Variants in ZSWIM4 observed in about 807,000 individuals in gnomAD.
ZSWIM4 encodes zinc finger SWIM-type containing 4, also known as zinc finger SWIM domain-containing protein 4.
Under a neutral mutation model 102.5 loss-of-function variants are expected in ZSWIM4, and 62 were observed. The observed-to-expected ratio is 0.60, with a 90% CI of 0.49 to 0.75. The LOEUF (loss-of-function observed/expected upper bound fraction) is 0.75. Among genes scored for constraint, ZSWIM4 ranks in the 30% least tolerant of loss-of-function variants. The pLI is 0.00. For missense variants in ZSWIM4, 1,280 were observed against 1,529.6 expected (o/e 0.84, Z 2.72); for synonymous variants, 652 against 674.5 (o/e 0.97, Z 0.52).
At chr19:13,813,266 G>T (rs1975160121) in intron 6 of ZSWIM4, 102 bp downstream of exon 6, 4 of 1,027,908 alleles carry the variant, frequency 3.9e-6, no homozygotes, top group Non-Finnish European at 5.6e-6. Flanking sequence ...GAGGGAGTGG[G>T]GCAGAGCAAA....
intron 8 of ZSWIM4, 132 bp from the exon 9 acceptor site, chr19:13,817,590 G>C: frequency 4.1e-6 from 5 of 1,214,960 alleles, no homozygotes; most frequent in Non-Finnish European, 5.6e-6. Context: ...CCCCAACCCC[G>C]TGAGTGCTGG....
Position 13,795,656 on chromosome 19 carries a change from C to T in ZSWIM4, c.8C>T (p.Pro3Leu), listed in dbSNP as rs1006213778. The change falls in exon 1 of 14, where the codon CCC (proline) becomes CTC (leucine). Residue 3 changes from proline to leucine, a missense_variant. Transcript: ENST00000590508. ...TGGCCCCGGCCGGGCCGGATGGAAC[C>T]CCCCGCGGCCAAGCGGAGCCGGGGC... The part of the protein sequence containing the change: ME[P>L]PAAKRSRGCP... 21 of 768,756 alleles carry T rather than the reference C, an allele frequency of 2.7e-5. No homozygotes were observed. The highest frequency in any genetic ancestry group is 2.6e-4 in the East Asian group (6 of 22,752). 47.6% of individuals were successfully genotyped at this position (768,756 alleles called of 1,614,324 possible).
intron 1 of ZSWIM4, chr19:13,796,521 T>G (rs535404241): frequency 1.7e-4 from 26 of 152,614 alleles, no homozygotes; most frequent in African/African-American, 6.3e-4. Context: ...GATTCCTCTT[T>G]CGGGGCTGCC....
chr19:13,798,831 C>G (rs895959224), intron 1 of ZSWIM4, among the ~76,000 whole-genome samples: 1 of 152,148 alleles, frequency 6.6e-6, no homozygotes, highest in African/African-American at 2.4e-5. Context: ...CTCCGTGGCC[C>G]AGACTGGAGT....
At chr19:13,810,208 A>G (rs1043741540) in intron 5 of ZSWIM4, among the ~76,000 whole-genome samples, 15 of 151,994 alleles carry the variant, frequency 9.9e-5, no homozygotes, top group South Asian at 6.2e-4. Flanking sequence ...TGTGTTAGGC[A>G]GGGTTGTCTT....
In ZSWIM4 at chr19:13,795,827, G is replaced by A. The variant is rs773708470; in HGVS notation, c.153+26G>A. 2.4e-5 allele frequency: 29 copies of A among 1,220,696 alleles called. No individual in the cohort carries two copies. In the Admixed American group the frequency reaches 4.8e-4, roughly 20 times the overall value. 75.6% of individuals were successfully genotyped at this position (1,220,696 alleles called of 1,614,324 possible). A position where few individuals can be genotyped will look rare whatever the true frequency, so the allele number is the denominator to read the frequency against. On this transcript the variant is annotated intron_variant, in intron 1 of 13. Coordinates refer to ENST00000590508, the MANE Select transcript of ZSWIM4 (RefSeq NM_001367834.3). ...GTGACCGCGGGGGAAGGGGGCGGGG[G>A]CAGGGACGCACCCCCAGCACCTTCC...
At chr19:13,803,181 A>G (rs2594723) in intron 2 of ZSWIM4, among the ~76,000 whole-genome samples, 71,697 of 152,124 alleles carry the variant, frequency 0.47, 19,903 homozygotes, top group African/African-American at 0.79. Context: ...CCCGCTGACC[A>G]CGGGCTCCTT....
At position 13,817,428 on chromosome 19, in the gene ZSWIM4, CT is replaced by C. The variant is rs1050362776; in HGVS notation, c.1669+76del. 70 of 1,547,270 alleles carry C rather than the reference CT, an allele frequency of 4.5e-5. 1 individual carries two copies. In the African/African-American group the frequency reaches 8.8e-4, roughly 20 times the overall value. On this transcript the variant is annotated intron_variant, in intron 8 of 13. Coordinates refer to ENST00000590508, the MANE Select transcript of ZSWIM4 (RefSeq NM_001367834.3). ...GGCCACGCCCCCTGGCCCAGTACCC[CT>C]ATAAGGTAACTCCCAGACTCTGACC...
intron 12 of ZSWIM4, among the ~76,000 whole-genome samples, chr19:13,826,629 G>T (rs1291445585): frequency 6.6e-6 from 1 of 152,176 alleles, no homozygotes; most frequent in African/African-American, 2.4e-5. Flanking sequence ...GCCAAGCGTG[G>T]TGGCACGCGC....
intron 2 of ZSWIM4, among the ~76,000 whole-genome samples, chr19:13,803,678 G>C (rs994647226): frequency 6.6e-6 from 1 of 150,896 alleles, no homozygotes; most frequent in Non-Finnish European, 1.5e-5. Flanking sequence ...GGTGGTGCAC[G>C]CCTGTAATCC....
intron 10 of ZSWIM4, among the ~76,000 whole-genome samples, chr19:13,822,783 C>T (rs775881638): frequency 1.8e-4 from 28 of 152,026 alleles, no homozygotes; most frequent in Non-Finnish European, 3.7e-4. Flanking sequence ...AGTTTGAGAC[C>T]GGCCTGACCA....
At position 13,832,130 on chromosome 19, in the gene ZSWIM4, T is replaced by C. The variant is rs1975784449; in HGVS notation, c.*1080T>C. The C allele has an allele frequency of 6.6e-6, 1 of 151,102 alleles. No homozygotes were observed. Among genetic ancestry groups the C allele is most frequent in the Non-Finnish European group, 1.5e-5 (1 of 67,888 alleles). 9.4% of individuals were successfully genotyped at this position (151,102 alleles called of 1,614,324 possible). On this transcript the variant is annotated 3_prime_UTR_variant, in exon 14 of 14. Transcript: ENST00000590508. ...GGTGTATTACATGTCCTTTTCCTTT[T>C]TTTTTTTCAAAGATTGAACAGAAAT...
chr19:13,818,654 C>G (rs888462326), intron 9 of ZSWIM4, among the ~76,000 whole-genome samples: 40 of 152,244 alleles, frequency 2.6e-4, no homozygotes, highest in African/African-American at 7.7e-4. Flanking sequence ...ATCTCTGCCT[C>G]CCGGGTTCAA....
Position 13,825,815 on chromosome 19 carries a change from G to A in ZSWIM4, c.2379+102G>A, listed in dbSNP as rs990238790. The A allele has an allele frequency of 9.1e-6, 13 of 1,422,302 alleles. No individual in the cohort carries two copies. The highest frequency in any genetic ancestry group is 2.5e-5 in the East Asian group (1 of 40,554). 88.1% of individuals were successfully genotyped at this position (1,422,302 alleles called of 1,614,324 possible). The stretch of plus-strand genomic sequence containing the variant: ...GCATGGGCTGAGTGTGAGCCACTTC[G>A]CTGGGGGCCCGGCATTTGCGTGAGC... On this transcript the variant is annotated intron_variant, in intron 12 of 13. Coordinates refer to ENST00000590508, the MANE Select transcript of ZSWIM4 (RefSeq NM_001367834.3). This position sits in a 1 kb window ranked among gnomAD's most constrained non-coding sequence, Gnocchi z 4.6.
intron 13 of ZSWIM4, among the ~76,000 whole-genome samples, 195 bp from the exon 14 acceptor site, chr19:13,829,996 G>A (rs1414792193): frequency 6.6e-6 from 1 of 152,156 alleles, no homozygotes; most frequent in Non-Finnish European, 1.5e-5. Context: ...TGCAGAAAGA[G>A]GCTCCAAAGC....
chr19:13,809,577 G>A lies in ZSWIM4; in HGVS notation c.1012+357G>A, dbSNP rs146434792. Among the ~76,000 whole-genome samples, 65 of 152,262 alleles carry A rather than the reference G, an allele frequency of 4.3e-4. 1 individual carries two copies. Among genetic ancestry groups the A allele is most frequent in the African/African-American group, 1.5e-3 (63 of 41,546 alleles). On this transcript the variant is annotated intron_variant, in intron 5 of 13. Transcript: ENST00000590508. The surrounding 1 kb of genome is among the most constrained non-coding windows in gnomAD (Gnocchi z 4.2). ...GGCTGACTGCAACCTCTGCCTCCCGGACTCAAGTGATCCTACACCTCAGCC... is the reference window on the plus strand; with the variant it reads ...GGCTGACTGCAACCTCTGCCTCCCGAACTCAAGTGATCCTACACCTCAGCC...
rs1445910098 is a variant in ZSWIM4, at chr19:13,808,895, G to A, written c.772G>A (p.Glu258Lys). The A allele has an allele frequency of 1.9e-6, 3 of 1,612,374 alleles. No homozygotes were observed. Among genetic ancestry groups the A allele is most frequent in the East Asian group, 2.2e-5 (1 of 44,850 alleles). The change falls in exon 4 of 14, where the codon GAG becomes AAG. Residue 258 changes from glutamate to lysine, a missense_variant. By Grantham distance (56) the Glu-to-Lys change is moderately conservative. Transcript: ENST00000590508. ...GGACGCCAACTGCTGGCACCTGGACGAGGAGCAGATCCAGGAGCAGGTGAA... is the reference window on the plus strand; with the variant it reads ...GGACGCCAACTGCTGGCACCTGGACAAGGAGCAGATCCAGGAGCAGGTGAA... ...IEDANCWHLD[E>K]EQIQEQVKQL...
chr19:13,807,568 C>T (rs1170521153), intron 3 of ZSWIM4, among the ~76,000 whole-genome samples: 1 of 112,684 alleles, frequency 8.9e-6, no homozygotes, highest in East Asian at 2.5e-4. Context: ...GTGTTTTGGG[C>T]AAGATGGATG....
intron 7 of ZSWIM4, 26 bp from the exon 8 acceptor site, chr19:13,817,188 GCA>G: frequency 6.3e-7 from 1 of 1,597,228 alleles, no homozygotes; most frequent in Non-Finnish European, 8.6e-7. Context: ...AGGTGTGTGG[GCA>G]TTGAGCCCCC....
Sources: gnomAD v4.1 joint callset for allele counts (sites outside exome capture counted in the v4.1 genomes callset) on GRCh38, gnomAD v4.1.1 for gene constraint, Gnocchi (gnomAD v3.1) non-coding constraint, MANE v1.5 for transcripts, NCBI Gene and HGNC (gene_info 2026-07-23, HGNC 2026-07-21) for gene names.